ZNF385D: variants seen among roughly 807,000 people sequenced by gnomAD.
The protein encoded by ZNF385D is zinc finger protein 659.
ZNF385D carries 15 observed loss-of-function variants against 35.8 expected under a neutral mutation model. The ratio of observed to expected loss-of-function variants is 0.42; its 90% CI spans 0.28 to 0.64. ZNF385D has a LOEUF of 0.64. Among genes scored for constraint, ZNF385D ranks in the 30% least tolerant of loss-of-function variants. The pLI, the probability that ZNF385D is intolerant of heterozygous loss-of-function variation, is 0.23. For synonymous variants in ZNF385D, 212 were observed against 186.8 expected, an observed-to-expected ratio of 1.13 and a Z score of -1.10; for missense variants, 474 against 494.6, an observed-to-expected ratio of 0.96 and a Z score of 0.39.
chr3:21,889,945 G>T (rs1325464925), intron 3 of ZNF385D, among the ~76,000 whole-genome samples: 1 of 151,954 alleles, frequency 6.6e-6, no homozygotes, highest in African/African-American at 2.4e-5. Context: ...CTCTGTGTGT[G>T]CCTGTGTGTG....
intron 3 of ZNF385D, among the ~76,000 whole-genome samples, chr3:21,895,672 C>T (rs1278452955): frequency 6.6e-6 from 1 of 151,788 alleles, no homozygotes; most frequent in Non-Finnish European, 1.5e-5. Context: ...GAAAGATTTC[C>T]CTTTGGGGAA....
chr3:21,750,779 C>T (rs978979611), intron 1 of ZNF385D, 116 bp downstream of exon 1: 1 of 1,319,836 alleles, frequency 7.6e-7, no homozygotes, highest in African/African-American at 1.5e-5. Context: ...CAGTTGCCAA[C>T]TGGAGGTAGG....
intron 3 of ZNF385D, among the ~76,000 whole-genome samples, chr3:22,041,348 G>A (rs1289268057): frequency 1.3e-5 from 2 of 152,096 alleles, no homozygotes; most frequent in African/African-American, 2.4e-5. Flanking sequence ...ACCCCAGAGA[G>A]AAACCTAGCT....
At position 22,188,771 on chromosome 3, in the gene ZNF385D, T is replaced by C. The variant is rs146339889; in HGVS notation, c.107-19736A>G. On this transcript the variant is annotated intron_variant, in intron 2 of 5. Transcript: ENST00000494108. ...AGCCGTGTGCATACTTTTTAAAATATTTTCAAATATCTAGAGAAATATCTT... is the reference window on the plus strand; with the variant it reads ...AGCCGTGTGCATACTTTTTAAAATACTTTCAAATATCTAGAGAAATATCTT... Among the ~76,000 whole-genome samples the C allele has an allele frequency of 4.5e-4, 68 of 152,312 alleles. 1 individual carries two copies. In the East Asian group the frequency reaches 6.0e-3, roughly 13 times the overall value.
chr3:22,224,624 A>C (rs899793050), intron 2 of ZNF385D, among the ~76,000 whole-genome samples: 6 of 152,194 alleles, frequency 3.9e-5, no homozygotes, highest in Non-Finnish European at 7.4e-5. Flanking sequence ...GAACCCAAGG[A>C]AACACTATAG....
intron 3 of ZNF385D, among the ~76,000 whole-genome samples, chr3:22,030,255 TCATA>T (rs1234229201): frequency 7.2e-5 from 2 of 27,916 alleles, no homozygotes; most frequent in African/African-American, 1.6e-4. Context: ...ATAAACTCAT[TCATA>T]TATATATATA....
chr3:22,016,690 C>T (rs1398509838), intron 3 of ZNF385D, among the ~76,000 whole-genome samples: 1 of 151,836 alleles, frequency 6.6e-6, no homozygotes. Flanking sequence ...GAGAGTAGCC[C>T]CGGAGAGTCA....
intron 3 of ZNF385D, among the ~76,000 whole-genome samples, chr3:21,997,544 A>G (rs1362390678): frequency 1.3e-5 from 2 of 150,088 alleles, no homozygotes; most frequent in Non-Finnish European, 3.0e-5. Context: ...CTTTAAATGT[A>G]ACTATCTCTG....
intron 3 of ZNF385D, among the ~76,000 whole-genome samples, chr3:21,766,092 G>T (rs2070819555): frequency 6.6e-6 from 1 of 152,062 alleles, no homozygotes; most frequent in South Asian, 2.1e-4. Flanking sequence ...CAGTCATACT[G>T]GGAGAATCCA....
chr3:22,097,597 T>C (rs921397985), intron 3 of ZNF385D, among the ~76,000 whole-genome samples: 10 of 152,010 alleles, frequency 6.6e-5, no homozygotes, highest in Non-Finnish European at 1.2e-4. Context: ...TCACTGTCTA[T>C]GATAAAATGA....
intron 2 of ZNF385D, among the ~76,000 whole-genome samples, chr3:22,328,525 G>T (rs554801635): frequency 6.6e-5 from 10 of 152,288 alleles, no homozygotes; most frequent in African/African-American, 2.4e-4. Flanking sequence ...AGCACTTTGG[G>T]AGGCCGAGGC....
At chr3:21,525,867 G>A (rs1231770568) in intron 3 of ZNF385D, among the ~76,000 whole-genome samples, 1 of 151,954 alleles carries the variant, frequency 6.6e-6, no homozygotes, top group Admixed American at 6.6e-5. Flanking sequence ...ATTCCAATCT[G>A]AAATACAGCG....
intron 3 of ZNF385D, among the ~76,000 whole-genome samples, chr3:22,030,001 C>T (rs909753879): frequency 6.6e-6 from 1 of 151,626 alleles, no homozygotes; most frequent in Non-Finnish European, 1.5e-5. Context: ...AAGGCAGACC[C>T]ACCCTTAATC....
chr3:21,859,632 G>C (rs1255686544), intron 3 of ZNF385D, among the ~76,000 whole-genome samples: 1 of 150,502 alleles, frequency 6.6e-6, no homozygotes, highest in Non-Finnish European at 1.5e-5. Flanking sequence ...TGAAGAGCCT[G>C]CTGCTGAAAC....
rs1702943150 is a variant in ZNF385D at position 22,118,888 on chromosome 3, T to A, written c.325+49929A>T. Among the ~76,000 whole-genome samples, 3 of 152,162 alleles carry A rather than the reference T, an allele frequency of 2.0e-5. No homozygotes were observed. In the South Asian group the frequency reaches 6.2e-4, roughly 32 times the overall value. Reference sequence around the variant, plus strand: ...GTACTTTCCATTACTGCTTTGTAGATAAAAGTTTTTAGAAACATTTGCAAG... The same window carrying A: ...GTACTTTCCATTACTGCTTTGTAGAAAAAAGTTTTTAGAAACATTTGCAAG... On this transcript the variant is annotated intron_variant, in intron 3 of 5. Coordinates refer to the ZNF385D transcript ENST00000494108.
chr3:22,221,967 A>G (rs1259897027), intron 2 of ZNF385D, among the ~76,000 whole-genome samples: 1 of 151,996 alleles, frequency 6.6e-6, no homozygotes, highest in Non-Finnish European at 1.5e-5. Context: ...AATACAGAAG[A>G]TTTCATTAAC....
chr3:22,028,716 G>A (rs951781212), intron 3 of ZNF385D, among the ~76,000 whole-genome samples: 2 of 152,150 alleles, frequency 1.3e-5, no homozygotes, highest in African/African-American at 4.8e-5. Flanking sequence ...TCAGACCAAG[G>A]CATTCACTTT....
At chr3:21,806,210 T>A (rs932093412) in intron 3 of ZNF385D, among the ~76,000 whole-genome samples, 3 of 142,938 alleles carry the variant, frequency 2.1e-5, no homozygotes, top group African/African-American at 7.9e-5. Flanking sequence ...AAATTTCTTA[T>A]TTTTTTTTTT....
At chr3:21,842,462 A>G (rs2125789740) in intron 3 of ZNF385D, among the ~76,000 whole-genome samples, 1 of 152,084 alleles carries the variant, frequency 6.6e-6, no homozygotes, top group South Asian at 2.1e-4. Flanking sequence ...TCATATGTGA[A>G]AGGCCAGTGA....
Sources: allele counts gnomAD v4.1 joint callset (sites outside exome capture counted in the v4.1 genomes callset), GRCh38; gene constraint gnomAD v4.1.1; transcripts MANE v1.5; gene names NCBI Gene and HGNC (gene_info 2026-07-23, HGNC 2026-07-21).